The following NEGR1 variants were observed in gnomAD, a reference collection of about 807,000 sequenced individuals.
NEGR1 encodes IgLON family member 4.
Under a neutral mutation model 40.9 loss-of-function variants are expected in NEGR1, and 10 were observed. That is an observed-to-expected ratio of 0.24 (90% CI 0.15 to 0.42). NEGR1 has a LOEUF of 0.42. Ranked by LOEUF, NEGR1 falls within the 10% of genes least tolerant of loss-of-function variation. The pLI is 1.00. For synonymous variants in NEGR1, 185 were observed against 166.8 expected, an observed-to-expected ratio of 1.11 and a Z score of -0.84; for missense variants, 352 against 438.9, an observed-to-expected ratio of 0.80 and a Z score of 1.77.
chr1:71,466,221 G>A lies in NEGR1; in HGVS notation c.941-58651C>T, dbSNP rs576499586. Among the ~76,000 whole-genome samples, 59 of 152,148 alleles carry A rather than the reference G, an allele frequency of 3.9e-4. No individual in the cohort carries two copies. The South Asian group carries it at 0.012, about 31-fold the overall frequency. ...TGTAGGCACTAAATGATAGCCCTTA[G>A]TAAAAGAAGTAATAGTGTTGTAGCA... On this transcript the variant is annotated intron_variant, in intron 6 of 6. Coordinates refer to ENST00000357731, the MANE Select transcript of NEGR1 (RefSeq NM_173808.3).
In NEGR1 at chr1:71,610,980, T is replaced by G. The variant is rs749751648; in HGVS notation, c.788+46A>C. 1.3e-5 allele frequency: 21 copies of G among 1,585,920 alleles called. No individual in the cohort carries two copies. The Admixed American group carries it at 3.4e-4, about 26-fold the overall frequency. ...AGTAAGTATCTGAAACACAAGCACG[T>G]TAGCTCAAAGTGCTTAGAACACAGT... On this transcript the variant is annotated intron_variant, in intron 5 of 6. Transcript: ENST00000357731.
chr1:71,655,755 A>AAG (rs894963222), intron 4 of NEGR1, among the ~76,000 whole-genome samples: 1 of 152,156 alleles, frequency 6.6e-6, no homozygotes, highest in Non-Finnish European at 1.5e-5. Flanking sequence ...CACAGTCTAG[A>AAG]AGATACTGAG....
intron 1 of NEGR1, among the ~76,000 whole-genome samples, chr1:72,134,615 T>G (rs1408960657): frequency 1.4e-5 from 2 of 147,276 alleles, no homozygotes; most frequent in Non-Finnish European, 3.0e-5. Context: ...TTTTATTTTA[T>G]ATAAGATCTA....
At chr1:71,722,119 G>T (rs1440756944) in intron 3 of NEGR1, among the ~76,000 whole-genome samples, 1 of 152,046 alleles carries the variant, frequency 6.6e-6, no homozygotes, top group African/African-American at 2.4e-5. Flanking sequence ...GCTTTTAGAA[G>T]ATCACTCTGG....
intron 4 of NEGR1, among the ~76,000 whole-genome samples, chr1:71,695,715 T>A: frequency 6.6e-6 from 1 of 151,762 alleles, no homozygotes; most frequent in East Asian, 1.9e-4. Flanking sequence ...TCTTTCACAT[T>A]TCTGCACACT....
intron 1 of NEGR1, among the ~76,000 whole-genome samples, chr1:72,259,770 A>C (rs1655395803): frequency 6.6e-6 from 1 of 152,094 alleles, no homozygotes; most frequent in African/African-American, 2.4e-5. Flanking sequence ...GAAGACGAAT[A>C]ATTGTTCTTT....
intron 5 of NEGR1, among the ~76,000 whole-genome samples, chr1:71,604,760 A>C (rs1168772308): frequency 6.6e-6 from 1 of 152,162 alleles, no homozygotes; most frequent in Non-Finnish European, 1.5e-5. Flanking sequence ...TTGTCTATGC[A>C]TGCATATTTT....
Position 71,396,722 on chromosome 1 carries a change from T to G in NEGR1, c.*10724A>C, listed in dbSNP as rs1052792709. ...TGGTTTTATAAGCGGGAGTTTTCCT[T>G]CACAAGTTCTCTTCTCTTCTCTGCT... On this transcript the variant is annotated 3_prime_UTR_variant, in exon 7 of 7. Coordinates refer to ENST00000357731, the MANE Select transcript of NEGR1 (RefSeq NM_173808.3). 1.3e-5 allele frequency: 2 copies of G among 154,828 alleles called. No homozygotes were observed. Among genetic ancestry groups the G allele is most frequent in the African/African-American group, 4.8e-5 (2 of 41,500 alleles). The allele number at this position is 154,828 out of a possible 1,614,324, so 9.6% of individuals were successfully genotyped here.
chr1:71,758,138 C>T (rs1655805734), intron 3 of NEGR1, among the ~76,000 whole-genome samples: 1 of 151,968 alleles, frequency 6.6e-6, no homozygotes, highest in South Asian at 2.1e-4. Context: ...GAATCTGAAA[C>T]CAGGTAACCC....
chr1:71,498,741 A>G (rs1038762615), intron 6 of NEGR1, among the ~76,000 whole-genome samples: 3 of 152,106 alleles, frequency 2.0e-5, no homozygotes, highest in African/African-American at 7.2e-5. Flanking sequence ...GCAGTTGATT[A>G]TGCAATCTGC....
At chr1:71,754,715 A>G (rs1655676633) in intron 3 of NEGR1, among the ~76,000 whole-genome samples, 1 of 151,584 alleles carries the variant, frequency 6.6e-6, no homozygotes, top group South Asian at 2.1e-4. Flanking sequence ...TATGAAGGTC[A>G]GAAAGGATCT....
At chr1:71,979,255 G>C (rs536517457) in intron 1 of NEGR1, among the ~76,000 whole-genome samples, 1 of 151,994 alleles carries the variant, frequency 6.6e-6, no homozygotes, top group Non-Finnish European at 1.5e-5. Context: ...TAACTATTGC[G>C]TACTAGGCTT....
In NEGR1 at chr1:71,834,499, T is replaced by C. The variant is rs368737638; in HGVS notation, c.410-58202A>G. On this transcript the variant is annotated intron_variant, in intron 2 of 6. Coordinates refer to ENST00000357731, the MANE Select transcript of NEGR1 (RefSeq NM_173808.3). ...TTTTTTCCTCCCTCAATGGTTGAGC[T>C]GGGACATTTAATCTCATTTACTCCT... Among the ~76,000 whole-genome samples, 298 of 147,516 alleles carry C rather than the reference T, an allele frequency of 2.0e-3. 1 individual carries two copies. The highest frequency in any genetic ancestry group is 7.2e-3 in the African/African-American group (289 of 39,864).
chr1:71,637,865 G>C (rs150551675), intron 4 of NEGR1, among the ~76,000 whole-genome samples: 2 of 151,952 alleles, frequency 1.3e-5, no homozygotes, highest in African/African-American at 2.4e-5. Context: ...CTCACTCATA[G>C]AGTCCCTATC....
chr1:71,808,334 C>A (rs1657855935), intron 2 of NEGR1, among the ~76,000 whole-genome samples: 1 of 152,146 alleles, frequency 6.6e-6, no homozygotes. Context: ...TGAAATAACT[C>A]AAAATAGTCC....
intron 5 of NEGR1, among the ~76,000 whole-genome samples, chr1:71,595,670 C>T (rs1365818632): frequency 6.6e-6 from 1 of 152,152 alleles, no homozygotes; most frequent in Non-Finnish European, 1.5e-5. Context: ...ATGATCTCTG[C>T]TCTTGAGAAG....
chr1:71,838,803 A>G (rs903694211), intron 2 of NEGR1, among the ~76,000 whole-genome samples: 1 of 152,160 alleles, frequency 6.6e-6, no homozygotes, highest in African/African-American at 2.4e-5. Context: ...AATTAATCAA[A>G]TGAGATTTAA....
rs143942415 is a variant in NEGR1, at chr1:72,270,035, T to C, written c.176+12284A>G. Among the ~76,000 whole-genome samples the C allele has an allele frequency of 4.1e-3, 619 of 151,930 alleles. 3 individuals are homozygous for C. Among genetic ancestry groups the C allele is most frequent in the Middle Eastern group, 0.017 (5 of 294 alleles). On this transcript the variant is annotated intron_variant, in intron 1 of 6. Coordinates refer to ENST00000357731, the MANE Select transcript of NEGR1 (RefSeq NM_173808.3). ...ATCTATCAATTGTTTTGATCTCTTT[T>C]AGTAAGAGTTACAAGATAATGAGAA...
chr1:71,601,597 C>T (rs1253147346), intron 5 of NEGR1, among the ~76,000 whole-genome samples: 3 of 152,164 alleles, frequency 2.0e-5, no homozygotes, highest in Non-Finnish European at 4.4e-5. Flanking sequence ...GAAAATGTGG[C>T]ACATATATTC....
Sources: allele counts gnomAD v4.1 joint callset (sites outside exome capture counted in the v4.1 genomes callset), GRCh38; gene constraint gnomAD v4.1.1; transcripts MANE v1.5; gene names NCBI Gene and HGNC (gene_info 2026-07-23, HGNC 2026-07-21).